The following DOCK1 variants were observed in gnomAD, a reference collection of about 807,000 sequenced individuals.
DOCK1 encodes dedicator of cytokinesis protein 1.
A neutral mutation model predicts 262.7 loss-of-function variants in DOCK1; 138 were observed. That is an observed-to-expected ratio of 0.53 (90% CI 0.46 to 0.61). DOCK1 has a LOEUF of 0.61. Ranked by LOEUF, DOCK1 falls within the 20% of genes least tolerant of loss-of-function variation. The pLI, the probability that DOCK1 is intolerant of heterozygous loss-of-function variation, is 0.00. For synonymous variants in DOCK1, 866 were observed against 867.4 expected, an observed-to-expected ratio of 1.00 and a Z score of 0.03; for missense variants, 1,908 against 2,370.7, an observed-to-expected ratio of 0.80 and a Z score of 4.05.
chr10:127,223,347 C>A (rs1271019594), intron 27 of DOCK1, among the ~76,000 whole-genome samples: 2 of 152,074 alleles, frequency 1.3e-5, no homozygotes, highest in African/African-American at 4.8e-5. Context: ...TCTCTTAATG[C>A]TTTTTAATTT....
intron 46 of DOCK1, among the ~76,000 whole-genome samples, chr10:127,425,531 G>T (rs1336531207): frequency 6.6e-6 from 1 of 152,184 alleles, no homozygotes; most frequent in African/African-American, 2.4e-5. Flanking sequence ...TTCGCACTCT[G>T]ACATGACCCT....
chr10:127,374,683 C>G (rs1030553464), intron 35 of DOCK1, among the ~76,000 whole-genome samples: 1 of 152,116 alleles, frequency 6.6e-6, no homozygotes, highest in Non-Finnish European at 1.5e-5. Context: ...TCCTGGATTA[C>G]CTGCAAGGGG....
At chr10:127,257,980 G>A (rs921883070) in intron 29 of DOCK1, among the ~76,000 whole-genome samples, 6 of 152,108 alleles carry the variant, frequency 3.9e-5, no homozygotes, top group Non-Finnish European at 5.9e-5. Flanking sequence ...TCTCAATCAC[G>A]TGGGATTTTT....
intron 10 of DOCK1, among the ~76,000 whole-genome samples, chr10:127,006,890 G>C (rs56841113): frequency 0.017 from 2,535 of 151,350 alleles, 76 homozygotes; most frequent in African/African-American, 0.057. Context: ...GCCTGCTCGG[G>C]TCAGACTCCC....
At chr10:127,162,914 GA>G (rs753780900) in intron 27 of DOCK1, among the ~76,000 whole-genome samples, 102 of 152,138 alleles carry the variant, frequency 6.7e-4, no homozygotes, top group Non-Finnish European at 1.1e-3. Context: ...TTTCCAAAAT[GA>G]AGGAATTCTT....
intron 23 of DOCK1, among the ~76,000 whole-genome samples, chr10:127,081,389 T>A (rs924305917): frequency 6.6e-6 from 1 of 151,846 alleles, no homozygotes; most frequent in Non-Finnish European, 1.5e-5. Context: ...TTTTTGCCTG[T>A]TTGAGACTTC....
At chr10:127,018,654 A>G in intron 12 of DOCK1, 56 bp from the exon 13 acceptor site, 1 of 1,609,900 alleles carries the variant, frequency 6.2e-7, no homozygotes, top group Non-Finnish European at 8.5e-7. Flanking sequence ...TTTCGTGAAA[A>G]CTTCTAAAAA....
At chr10:127,355,139 A>T (rs1193799706) in intron 32 of DOCK1, among the ~76,000 whole-genome samples, 1 of 43,782 alleles carries the variant, frequency 2.3e-5, no homozygotes, top group Non-Finnish European at 4.4e-5. Context: ...CCCTCCTCAA[A>T]ACCAGATCTA....
chr10:127,026,962 A>C (rs2042908526), intron 16 of DOCK1, among the ~76,000 whole-genome samples: 1 of 152,272 alleles, frequency 6.6e-6, no homozygotes, highest in African/African-American at 2.4e-5. Context: ...AATTTGTTCC[A>C]TCACATTTTG....
chr10:126,991,039 A>G (rs1381222055), intron 6 of DOCK1, among the ~76,000 whole-genome samples: 3 of 152,208 alleles, frequency 2.0e-5, no homozygotes, highest in Non-Finnish European at 2.9e-5. Context: ...AAAGTTTGTC[A>G]CCTGTGTAGG....
intron 27 of DOCK1, among the ~76,000 whole-genome samples, chr10:127,215,830 C>T (rs552144372): frequency 4.3e-4 from 66 of 151,988 alleles, no homozygotes; most frequent in African/African-American, 1.6e-3. Flanking sequence ...CAACACCCCC[C>T]CTCACCCCCC....
intron 1 of DOCK1, among the ~76,000 whole-genome samples, chr10:126,920,743 A>G (rs1737960943): frequency 6.6e-6 from 1 of 152,226 alleles, no homozygotes; most frequent in African/African-American, 2.4e-5. Context: ...ACCTAGAACT[A>G]CCATCTGACC....
intron 27 of DOCK1, among the ~76,000 whole-genome samples, chr10:127,201,308 G>A (rs1050832184): frequency 6.6e-6 from 1 of 152,150 alleles, no homozygotes; most frequent in African/African-American, 2.4e-5. Context: ...CTTGCCCGTG[G>A]CTCTTGCACG....
intron 1 of DOCK1, among the ~76,000 whole-genome samples, chr10:126,947,028 C>T (rs1026749427): frequency 2.0e-4 from 30 of 152,320 alleles, no homozygotes; most frequent in South Asian, 1.9e-3. Context: ...GGGAGAGATG[C>T]GGTCCAAGGA....
chr10:127,024,650 G>A, intron 14 of DOCK1, 35 bp from the exon 15 acceptor site: 1 of 1,565,810 alleles, frequency 6.4e-7, no homozygotes, highest in Non-Finnish European at 8.7e-7. Context: ...AGCTCTATGA[G>A]GTCTTACGTG....
intron 35 of DOCK1, 59 bp from the exon 36 acceptor site, chr10:127,380,023 C>A: frequency 8.7e-7 from 1 of 1,151,102 alleles, no homozygotes; most frequent in Non-Finnish European, 1.3e-6. Context: ...TTTTATTGTG[C>A]ATGTGATACC....
intron 29 of DOCK1, among the ~76,000 whole-genome samples, chr10:127,291,666 C>T (rs1433925033): frequency 1.3e-5 from 2 of 152,206 alleles, no homozygotes; most frequent in African/African-American, 4.8e-5. Flanking sequence ...CATCCCCAGG[C>T]GTTTGCCTCC....
intron 27 of DOCK1, among the ~76,000 whole-genome samples, chr10:127,221,041 T>C (rs1345932491): frequency 6.6e-6 from 1 of 152,180 alleles, no homozygotes; most frequent in Admixed American, 6.5e-5. Context: ...TGCAAACCTG[T>C]TGGTACCATT....
chr10:127,371,959 G>A (rs926207629), intron 33 of DOCK1, among the ~76,000 whole-genome samples: 8 of 152,196 alleles, frequency 5.3e-5, no homozygotes, highest in African/African-American at 9.7e-5. Context: ...AAAATCTAAA[G>A]CAATTCATTC....
Sources: gnomAD v4.1 joint callset for allele counts (sites outside exome capture counted in the v4.1 genomes callset) on GRCh38, gnomAD v4.1.1 for gene constraint, MANE v1.5 for transcripts, NCBI Gene and HGNC (gene_info 2026-07-23, HGNC 2026-07-21) for gene names.